PAX7: variants seen among roughly 807,000 people sequenced by gnomAD.
The protein encoded by PAX7 is paired box protein Pax-7.
PAX7 carries 18 observed loss-of-function variants against 50.7 expected under a neutral mutation model. The ratio of observed to expected loss-of-function variants is 0.36; its 90% confidence interval spans 0.25 to 0.53. The LOEUF is 0.53. PAX7 is among the 20% of genes least tolerant of loss of function. The probability of loss-of-function intolerance (pLI) is 0.93; values close to 1 mark genes in which losing one functional copy is unlikely to be tolerated. For missense variants in PAX7, 644 were observed against 702.9 expected (o/e 0.92, Z 0.95); for synonymous variants, 310 against 290.4 (o/e 1.07, Z -0.69).
chr1:18,646,079 C>T (rs759993074), intron 4 of PAX7, among the ~76,000 whole-genome samples: 6 of 152,242 alleles, frequency 3.9e-5, no homozygotes, highest in Non-Finnish European at 7.3e-5. Flanking sequence ...TCTCCTCCCT[C>T]CCGCTGCCTG....
chr1:18,678,722 G>A (rs1461938636), intron 4 of PAX7, among the ~76,000 whole-genome samples: 1 of 152,234 alleles, frequency 6.6e-6, no homozygotes, highest in African/African-American at 2.4e-5. Flanking sequence ...GGGCTTCATG[G>A]ATTATGTGGC....
intron 4 of PAX7, among the ~76,000 whole-genome samples, chr1:18,675,349 A>T (rs533315842): frequency 6.6e-6 from 1 of 152,326 alleles, no homozygotes; most frequent in Non-Finnish European, 1.5e-5. Context: ...ACAGCATCTT[A>T]GAATCACAGA....
chr1:18,671,185 C>T (rs532481817), intron 4 of PAX7, among the ~76,000 whole-genome samples: 2 of 152,186 alleles, frequency 1.3e-5, no homozygotes, highest in African/African-American at 4.8e-5. Flanking sequence ...GAAGGCAATT[C>T]GGGAGAGGAC....
At chr1:18,672,093 C>T (rs1056373338) in intron 4 of PAX7, among the ~76,000 whole-genome samples, 1 of 152,120 alleles carries the variant, frequency 6.6e-6, no homozygotes, top group Non-Finnish European at 1.5e-5. Context: ...ACATACAGGG[C>T]ACTCTGTGAG....
At chr1:18,639,487 C>G (rs1189315062) in intron 4 of PAX7, among the ~76,000 whole-genome samples, 1 of 151,884 alleles carries the variant, frequency 6.6e-6, no homozygotes, top group African/African-American at 2.4e-5. Flanking sequence ...GTGCTTGCCC[C>G]AGTCAAGCTT....
chr1:18,680,239 T>C (rs570867442), intron 4 of PAX7, among the ~76,000 whole-genome samples: 129 of 152,224 alleles, frequency 8.5e-4, no homozygotes, highest in African/African-American at 3.0e-3. Context: ...ATGGCAGCTC[T>C]TATTCCCAGG....
chr1:18,722,796 T>TC (rs941498578), intron 7 of PAX7, among the ~76,000 whole-genome samples: 5 of 152,104 alleles, frequency 3.3e-5, no homozygotes, highest in African/African-American at 1.2e-4. Context: ...AGAGTGAAAC[T>TC]CCAAATCAGA....
intron 4 of PAX7, among the ~76,000 whole-genome samples, chr1:18,654,734 T>C (rs1438925256): frequency 1.3e-5 from 2 of 152,254 alleles, no homozygotes; most frequent in Non-Finnish European, 2.9e-5. Context: ...CTGGAGGATT[T>C]ACCATGAGCT....
chr1:18,736,440 G>A (rs1381875920), intron 8 of PAX7, among the ~76,000 whole-genome samples: 3 of 141,602 alleles, frequency 2.1e-5, no homozygotes, highest in Non-Finnish European at 4.5e-5. Flanking sequence ...ACTCCAGCCT[G>A]TGTGACAGAG....
chr1:18,718,641 C>A (rs2089457803), intron 7 of PAX7, among the ~76,000 whole-genome samples: 1 of 146,066 alleles, frequency 6.8e-6, no homozygotes, highest in African/African-American at 2.5e-5. Context: ...CACGCCTTGA[C>A]CCTTCCTTTT....
chr1:18,714,289 C>T (rs1281083103), intron 7 of PAX7, among the ~76,000 whole-genome samples: 2 of 152,118 alleles, frequency 1.3e-5, no homozygotes, highest in South Asian at 2.1e-4. Flanking sequence ...TGATCACAGG[C>T]AAGTTATATG....
At chr1:18,736,454 G>A (rs1170432460) in intron 8 of PAX7, among the ~76,000 whole-genome samples, 3 of 114,766 alleles carry the variant, frequency 2.6e-5, no homozygotes, top group Non-Finnish European at 3.5e-5. Flanking sequence ...GACAGAGCAA[G>A]ACTCTGTCTC....
intron 7 of PAX7, 72 bp downstream of exon 7, chr1:18,703,368 T>C (rs2089247475): frequency 7.3e-7 from 1 of 1,371,494 alleles, no homozygotes; most frequent in South Asian, 1.2e-5. Context: ...AGCACGTGGG[T>C]GGAAGCCTTG....
chr1:18,697,287 G>A (rs1188604797), intron 5 of PAX7, among the ~76,000 whole-genome samples: 1 of 152,212 alleles, frequency 6.6e-6, no homozygotes, highest in East Asian at 1.9e-4. Flanking sequence ...CCTGACCAGA[G>A]ATTCTGGGTA....
rs761556688 is a variant in PAX7 at position 18,636,304 on chromosome 1, G to A, written c.519G>A (p.Ala173=). ...GGAAGAAAGAGGAGGAGGATGAAGC[G>A]GACAAGAAGGAGGACGACGGCGAAA... is the stretch of plus-strand genomic sequence containing the variant. ...KFGKKEEEDE[A]DKKEDDGEKK... is the part of the protein sequence containing the mutation. The change falls in exon 4 of 9, where the codon GCG becomes GCA. Residue 173 remains alanine, a synonymous_variant. Transcript: ENST00000420770. This position sits in a 1 kb window ranked among gnomAD's most constrained non-coding sequence, Gnocchi z 5.1. The A allele has an allele frequency of 1.9e-6, 3 of 1,614,228 alleles. No individual in the cohort carries two copies. Among genetic ancestry groups the A allele is most frequent in the Non-Finnish European group, 2.5e-6 (3 of 1,180,016 alleles).
At chr1:18,658,480 A>G (rs1346931163) in intron 4 of PAX7, among the ~76,000 whole-genome samples, 1 of 152,194 alleles carries the variant, frequency 6.6e-6, no homozygotes, top group Non-Finnish European at 1.5e-5. Flanking sequence ...AGACTTTTTC[A>G]TCAAGGTAGG....
rs2089704528 is a variant in PAX7 at position 18,735,790 on chromosome 1, C to A, written c.1314C>A (p.Thr438=). The part of the protein sequence containing the change: ...DSIKPGDSLP[T]SQAYCPPTYS... ...TCAAGCCAGGAGACAGCCTGCCCAC[C>A]TCCCAGGCCTACTGCCCACCCACCT... The change falls in exon 8 of 9, where the codon ACC becomes ACA. Residue 438 remains threonine (T), a synonymous_variant. Coordinates refer to ENST00000420770, the MANE Select transcript of PAX7 (RefSeq NM_001135254.2). The surrounding 1 kb of genome is among the most constrained non-coding windows in gnomAD (Gnocchi z 4.0). The A allele has an allele frequency of 4.3e-6, 7 of 1,614,062 alleles. No homozygotes were observed. Among genetic ancestry groups the A allele is most frequent in the Non-Finnish European group, 5.9e-6 (7 of 1,180,038 alleles).
At chr1:18,696,105 G>C (rs12563020) in intron 5 of PAX7, among the ~76,000 whole-genome samples, 1 of 133,076 alleles carries the variant, frequency 7.5e-6, no homozygotes, top group Admixed American at 8.8e-5. Context: ...TTCACTCATC[G>C]CCCAGGCTGG....
intron 7 of PAX7, among the ~76,000 whole-genome samples, chr1:18,727,308 C>A (rs937755605): frequency 7.3e-5 from 11 of 151,512 alleles, no homozygotes; most frequent in Admixed American, 7.2e-4. Context: ...ACAGTACTCA[C>A]ACATGCACAC....
Sources: allele counts gnomAD v4.1 joint callset (sites outside exome capture counted in the v4.1 genomes callset), GRCh38; gene constraint gnomAD v4.1.1; non-coding constraint Gnocchi (gnomAD v3.1); transcripts MANE v1.5; gene names NCBI Gene and HGNC (gene_info 2026-07-23, HGNC 2026-07-21).